RASSF8: variants seen among roughly 807,000 people sequenced by gnomAD.
RASSF8 encodes the protein ras association domain-containing protein 8.
A neutral mutation model predicts 48.5 loss-of-function variants in RASSF8; 22 were observed. The ratio of observed to expected loss-of-function variants is 0.45; its 90% CI spans 0.32 to 0.65. The LOEUF is 0.65. RASSF8 is among the 30% of genes least tolerant of loss of function. The pLI is 0.03. For missense variants in RASSF8, 418 were observed against 489.2 expected (o/e 0.85, Z 1.37); for synonymous variants, 127 against 171.5 (o/e 0.74, Z 2.03).
chr12:26,023,413 G>A (rs1042244120), intron 2 of RASSF8, among the ~76,000 whole-genome samples: 3 of 152,136 alleles, frequency 2.0e-5, no homozygotes, highest in Non-Finnish European at 4.4e-5. Context: ...TGCTTAAAAG[G>A]AAACATTAAG....
At chr12:26,025,556 CTG>C (rs1942891196) in intron 2 of RASSF8, among the ~76,000 whole-genome samples, 1 of 100,064 alleles carries the variant, frequency 1.0e-5, no homozygotes, top group African/African-American at 3.9e-5. Context: ...GAGTGAGACT[CTG>C]TCTCAAAAAA....
intron 1 of RASSF8, among the ~76,000 whole-genome samples, chr12:25,980,676 C>T (rs1045317510): frequency 2.6e-5 from 4 of 152,004 alleles, no homozygotes; most frequent in African/African-American, 9.7e-5. Flanking sequence ...GTTCTAAGTC[C>T]TATGAGAAGG....
rs1943874133 is a variant in RASSF8 at position 26,066,315 on chromosome 12, T to C, written c.993+928T>C. 2.0e-5 allele frequency among the ~76,000 whole-genome samples: 3 copies of C among 152,160 alleles called. No individual in the cohort carries two copies. In the South Asian group the frequency reaches 6.2e-4, roughly 32 times the overall value. On this transcript the variant is annotated intron_variant, in intron 4 of 5. Coordinates refer to ENST00000689635, the MANE Select transcript of RASSF8 (RefSeq NM_001394098.1). The stretch of plus-strand genomic sequence containing the variant: ...TACTACTTGTAAGAAATTCAGAATC[T>C]ACATTGAAACAGGATGCCCAAGTAA...
chr12:26,058,051 G>A (rs2137258641), intron 3 of RASSF8, among the ~76,000 whole-genome samples: 1 of 152,294 alleles, frequency 6.6e-6, no homozygotes, highest in Admixed American at 6.5e-5. Context: ...TGCCCACTTG[G>A]ACTACAGAGT....
At position 25,962,441 on chromosome 12, in the gene RASSF8, T is replaced by C. The variant is rs1047627876; in HGVS notation, c.-203+3293T>C. Reference sequence around the variant, plus strand: ...GCTTCTGAATATTTACCACAATTTATATATTATTTAATCACTTAGGGTCCT... The same window carrying C: ...GCTTCTGAATATTTACCACAATTTACATATTATTTAATCACTTAGGGTCCT... On this transcript the variant is annotated intron_variant, in intron 1 of 5. Transcript: ENST00000689635. 3.3e-5 allele frequency among the ~76,000 whole-genome samples: 5 copies of C among 152,354 alleles called. No individual in the cohort carries two copies. The East Asian group carries it at 5.8e-4, about 18-fold the overall frequency.
At chr12:26,067,518 A>G (rs911250483) in intron 4 of RASSF8, 51 bp from the exon 5 acceptor site, 1 of 1,512,938 alleles carries the variant, frequency 6.6e-7, no homozygotes, top group East Asian at 2.5e-5. Context: ...GATGTCTTGC[A>G]CTGTCCAGTA....
intron 1 of RASSF8, among the ~76,000 whole-genome samples, chr12:25,983,342 G>A (rs1941788444): frequency 6.6e-6 from 1 of 152,176 alleles, no homozygotes; most frequent in Non-Finnish European, 1.5e-5. Flanking sequence ...CATAGCCAGA[G>A]CAAGAATTAA....
chr12:25,974,071 A>G (rs994868942), intron 1 of RASSF8, among the ~76,000 whole-genome samples: 1 of 151,984 alleles, frequency 6.6e-6, no homozygotes, highest in Non-Finnish European at 1.5e-5. Context: ...AGTGTTGGCT[A>G]AGGTCTCAGT....
At chr12:26,010,335 C>G (rs978538716) in intron 2 of RASSF8, among the ~76,000 whole-genome samples, 1 of 152,232 alleles carries the variant, frequency 6.6e-6, no homozygotes, top group Non-Finnish European at 1.5e-5. Flanking sequence ...GTTTTTCCTT[C>G]TTGTCCCCTG....
At chr12:25,993,047 G>A (rs914191642) in intron 1 of RASSF8, among the ~76,000 whole-genome samples, 3 of 152,140 alleles carry the variant, frequency 2.0e-5, no homozygotes, top group Non-Finnish European at 4.4e-5. Flanking sequence ...AGCTGAGGGT[G>A]GGGGGCAGGT....
chr12:26,013,496 A>G (rs965720422), intron 2 of RASSF8, among the ~76,000 whole-genome samples: 4 of 152,164 alleles, frequency 2.6e-5, no homozygotes, highest in African/African-American at 9.7e-5. Flanking sequence ...ACTATTTTCC[A>G]TCAAATTCAC....
At chr12:25,985,234 G>A (rs1941844640) in intron 1 of RASSF8, among the ~76,000 whole-genome samples, 1 of 152,160 alleles carries the variant, frequency 6.6e-6, no homozygotes, top group Non-Finnish European at 1.5e-5. Flanking sequence ...TTTTTTGTGT[G>A]TGTGTGGGAG....
chr12:26,036,524 A>G (rs1196483530), intron 2 of RASSF8, among the ~76,000 whole-genome samples: 2 of 152,120 alleles, frequency 1.3e-5, no homozygotes, highest in Admixed American at 6.5e-5. Flanking sequence ...AAGATGTCCT[A>G]ATTTTTATTT....
chr12:26,015,030 A>ACCCCC lies in RASSF8; in HGVS notation c.-109+19904_-109+19905insCCCCC, dbSNP rs61247260. 2.9e-3 allele frequency among the ~76,000 whole-genome samples: 438 copies of ACCCCC among 149,404 alleles called. 4 individuals carry two copies. The highest frequency in any genetic ancestry group is 0.01 in the African/African-American group (411 of 40,436). On this transcript the variant is annotated intron_variant, in intron 2 of 5. Transcript: ENST00000689635. ...AGACCAGCCTGGGCAACATAGTGAG[A>ACCCCC]CCCCGTCTGTCCAAAAAAAAAAATA...
At chr12:26,008,138 T>G (rs1049749881) in intron 2 of RASSF8, among the ~76,000 whole-genome samples, 2 of 151,968 alleles carry the variant, frequency 1.3e-5, no homozygotes, top group African/African-American at 4.8e-5. Context: ...TCAGGTGTGG[T>G]GGCGGGCGCC....
At chr12:26,008,053 C>A (rs931780748) in intron 2 of RASSF8, among the ~76,000 whole-genome samples, 5 of 152,126 alleles carry the variant, frequency 3.3e-5, no homozygotes, top group African/African-American at 1.2e-4. Context: ...GCGGGCAGAT[C>A]TCAAGGTCAG....
chr12:26,067,778 GT>G, intron 5 of RASSF8, 65 bp downstream of exon 5: 7 of 1,592,330 alleles, frequency 4.4e-6, no homozygotes, highest in Non-Finnish European at 6.0e-6. Flanking sequence ...TTTTGTTTTT[GT>G]TTTTTGAGAT....
rs977587033 is a variant in RASSF8, at chr12:26,070,365, A to G, written c.*1547A>G. The G allele has an allele frequency of 4.1e-6, 4 of 985,260 alleles. No homozygotes were observed. The African/African-American group carries it at 5.2e-5, about 13-fold the overall frequency. 61.0% of individuals were successfully genotyped at this position (985,260 alleles called of 1,614,324 possible). The stretch of plus-strand genomic sequence containing the variant: ...TCCTATGAAATTTTTAAGAATGGCT[A>G]TGAGACTGTATAGAAGCTTCTAGAG... On this transcript the variant is annotated 3_prime_UTR_variant, in exon 6 of 6. Transcript: ENST00000689635.
Position 26,072,618 on chromosome 12 carries a change from G to C in RASSF8, c.*3800G>C, listed in dbSNP as rs1944022935. 1 of 985,110 alleles carries C rather than the reference G, an allele frequency of 1.0e-6. No individual in the cohort carries two copies. Among genetic ancestry groups the C allele is most frequent in the Admixed American group, 6.2e-5 (1 of 16,248 alleles). The allele number at this position is 985,110 out of a possible 1,614,324, so 61.0% of individuals were successfully genotyped here. On this transcript the variant is annotated 3_prime_UTR_variant, in exon 6 of 6. Coordinates refer to ENST00000689635, the MANE Select transcript of RASSF8 (RefSeq NM_001394098.1). ...ATTTCTCAATATGTTTTTCTTTATTGACCCTAGGAGGATTTGAGTTGCTGC... is the reference window on the plus strand; with the variant it reads ...ATTTCTCAATATGTTTTTCTTTATTCACCCTAGGAGGATTTGAGTTGCTGC...
Sources: gnomAD v4.1 joint callset for allele counts (sites outside exome capture counted in the v4.1 genomes callset) on GRCh38, gnomAD v4.1.1 for gene constraint, MANE v1.5 for transcripts, NCBI Gene and HGNC (gene_info 2026-07-23, HGNC 2026-07-21) for gene names.